DEFB112: variants seen among roughly 807,000 people sequenced by gnomAD.
DEFB112 encodes the protein defensin beta 112.
DEFB112 carries 2 observed loss-of-function variants against 1.1 expected under a neutral mutation model. The ratio of observed to expected loss-of-function variants is 1.85; its 90% CI spans 0.76 to 5.83. DEFB112 has a LOEUF of 5.83. Ranked by LOEUF, DEFB112 falls within the 30% of genes most tolerant of loss-of-function variation. The probability of loss-of-function intolerance (pLI) is 0.05; values close to 1 mark genes in which losing one functional copy is unlikely to be tolerated. For synonymous variants in DEFB112, 40 were observed against 31.2 expected (o/e 1.28, Z -0.93); for missense variants, 120 against 94.4 (o/e 1.27, Z -1.12).
chr6:50,044,091 C>T (rs1340139970), intron 1 of DEFB112, among the ~76,000 whole-genome samples: 1 of 152,050 alleles, frequency 6.6e-6, no homozygotes, highest in Non-Finnish European at 1.5e-5. Flanking sequence ...TGTACATTGA[C>T]TAGAACCATT....
intron 1 of DEFB112, among the ~76,000 whole-genome samples, chr6:50,044,218 A>C (rs1253774889): frequency 6.6e-6 from 1 of 152,100 alleles, no homozygotes; most frequent in African/African-American, 2.4e-5. Flanking sequence ...TGACTTGAGC[A>C]GTTCTAAAAT....
At chr6:50,044,949 A>G (rs1774808450) in intron 1 of DEFB112, among the ~76,000 whole-genome samples, 1 of 152,004 alleles carries the variant, frequency 6.6e-6, no homozygotes, top group African/African-American at 2.4e-5. Flanking sequence ...ATTACCCACA[A>G]ATTTTGCAGC....
chr6:50,048,785 G>C (rs959421379), intron 1 of DEFB112: 2 of 593,348 alleles, frequency 3.4e-6, no homozygotes, highest in African/African-American at 3.7e-5. Context: ...ATTATAAAAG[G>C]TTTTACAAAA....
chr6:50,043,912 A>G, intron 1 of DEFB112, 111 bp from the exon 2 acceptor site: 1 of 918,372 alleles, frequency 1.1e-6, no homozygotes, highest in South Asian at 1.6e-5. Flanking sequence ...AAGGAAATGG[A>G]TATTTGCTTT....
At chr6:50,047,649 G>T (rs1774856238) in intron 1 of DEFB112, among the ~76,000 whole-genome samples, 1 of 152,110 alleles carries the variant, frequency 6.6e-6, no homozygotes. Context: ...CTGACATCCA[G>T]TGAAACTTAG....
intron 1 of DEFB112, among the ~76,000 whole-genome samples, chr6:50,045,525 A>T (rs185505065): frequency 1.9e-4 from 29 of 152,274 alleles, no homozygotes; most frequent in African/African-American, 6.7e-4. Flanking sequence ...ATATGTATAA[A>T]TCTAGATATA....
chr6:50,046,221 CTG>C (rs3057286), intron 1 of DEFB112, among the ~76,000 whole-genome samples: 2,026 of 141,248 alleles, frequency 0.014, 55 homozygotes, highest in African/African-American at 0.045. Context: ...TTGAGGAGCA[CTG>C]TGTGTGTGTG....
intron 1 of DEFB112, among the ~76,000 whole-genome samples, chr6:50,046,543 G>A (rs933050715): frequency 2.6e-5 from 4 of 152,086 alleles, no homozygotes; most frequent in African/African-American, 4.8e-5. Flanking sequence ...GTAGTTTATC[G>A]TGGTTTAAAT....
At chr6:50,048,545 A>G (rs1317918705) in intron 1 of DEFB112, 4 of 1,612,904 alleles carry the variant, frequency 2.5e-6, no homozygotes, top group Non-Finnish European at 2.5e-6. Context: ...ACCTGTGCTG[A>G]TTTTCTCTGT....
intron 1 of DEFB112, among the ~76,000 whole-genome samples, chr6:50,049,531 T>C (rs939374456): frequency 2.0e-5 from 3 of 152,090 alleles, no homozygotes; most frequent in African/African-American, 7.2e-5. Context: ...ATTTCATGGA[T>C]CTGTGAAATC....
At chr6:50,048,254 T>G (rs1774868105) in intron 1 of DEFB112, among the ~76,000 whole-genome samples, 1 of 152,192 alleles carries the variant, frequency 6.6e-6, no homozygotes, top group Non-Finnish European at 1.5e-5. Context: ...AGTAATAATG[T>G]TGCTGAGAAC....
chr6:50,048,703 T>A (rs766735842), intron 1 of DEFB112: 4 of 1,333,258 alleles, frequency 3.0e-6, no homozygotes, highest in Non-Finnish European at 4.2e-6. Flanking sequence ...AAAATTACTT[T>A]AAAAGTAGGA....
rs949483253 is a variant in DEFB112, at chr6:50,043,512, T to C, written c.*63A>G. The C allele has an allele frequency of 1.2e-4, 151 of 1,255,792 alleles. No individual in the cohort carries two copies. Among genetic ancestry groups the C allele is most frequent in the Non-Finnish European group, 8.4e-5 (73 of 868,774 alleles). The allele number at this position is 1,255,792 out of a possible 1,614,324, so 77.8% of individuals were successfully genotyped here. Reference sequence around the variant, plus strand: ...ATGCATGGAAATTATAGGTCATTAATGAAGTGATGAAATAATGAGAGGACT... The same window carrying C: ...ATGCATGGAAATTATAGGTCATTAACGAAGTGATGAAATAATGAGAGGACT... On this transcript the variant is annotated 3_prime_UTR_variant, in exon 2 of 2. Transcript: ENST00000651554.
rs1774778058 is a variant in DEFB112, at chr6:50,043,440, C to A, written c.*135G>T. 1 of 609,742 alleles carries A rather than the reference C, an allele frequency of 1.6e-6. No homozygotes were observed. Among genetic ancestry groups the A allele is most frequent in the African/African-American group, 1.8e-5 (1 of 54,360 alleles). 37.8% of individuals were successfully genotyped at this position (609,742 alleles called of 1,614,324 possible). A position where few individuals can be genotyped will look rare whatever the true frequency, so the allele number is the denominator to read the frequency against. On this transcript the variant is annotated 3_prime_UTR_variant, in exon 2 of 2. Coordinates refer to ENST00000651554, the MANE Select transcript of DEFB112 (RefSeq NM_001369057.2). ...GCAAGCACAATGTTTATAAAAATGT[C>A]CAGCTGAAATATATTTTATTTAATT...
intron 1 of DEFB112, among the ~76,000 whole-genome samples, chr6:50,047,658 A>G (rs1447576184): frequency 6.6e-6 from 1 of 152,190 alleles, no homozygotes; most frequent in African/African-American, 2.4e-5. Context: ...AGTGAAACTT[A>G]GTCAAAAAGA....
In DEFB112 at chr6:50,043,600, C is replaced by T; in HGVS notation, c.260G>A (p.Trp87Ter). Residue 87 changes from tryptophan to a stop codon, truncating the protein, a stop_gained, in exon 2 of 2, where the codon TGG (tryptophan) becomes TAG (stop). Transcript: ENST00000651554. LOFTEE classifies it high-confidence loss of function. The part of the protein sequence containing the change: ...IPKDSVGTQE[W>*]YPKDSRH ...TCAATGACGTGAGTCTTTAGGGTAC[C>T]ATTCTTGAGTCCCTACTGAGTCCTT... is the stretch of plus-strand genomic sequence containing the variant. 3 of 1,613,162 alleles carry T rather than the reference C, an allele frequency of 1.9e-6. No individual in the cohort carries two copies. Among genetic ancestry groups the T allele is most frequent in the Non-Finnish European group, 2.5e-6 (3 of 1,179,484 alleles).
At chr6:50,044,799 G>A (rs1774806329) in intron 1 of DEFB112, among the ~76,000 whole-genome samples, 2 of 152,154 alleles carry the variant, frequency 1.3e-5, no homozygotes, top group South Asian at 4.1e-4. Context: ...TCAGAAGGTG[G>A]ATAAAAATGA....
At position 50,043,308 on chromosome 6, in the gene DEFB112, C is replaced by T. The variant is rs950777425; in HGVS notation, c.*267G>A. Among the ~76,000 whole-genome samples, 2 of 151,952 alleles carry T rather than the reference C, an allele frequency of 1.3e-5. No individual in the cohort carries two copies. Among genetic ancestry groups the T allele is most frequent in the South Asian group, 2.1e-4 (1 of 4,824 alleles). On this transcript the variant is annotated 3_prime_UTR_variant, in exon 2 of 2. Transcript: ENST00000651554. ...CTTTTCACACTAAATAAGGAATTGGCCCCAGAATCTCACTAAACTTAGCGG... is the reference window on the plus strand; with the variant it reads ...CTTTTCACACTAAATAAGGAATTGGTCCCAGAATCTCACTAAACTTAGCGG...
chr6:50,045,872 C>A (rs1774822612), intron 1 of DEFB112, among the ~76,000 whole-genome samples: 1 of 151,934 alleles, frequency 6.6e-6, no homozygotes, highest in South Asian at 2.1e-4. Context: ...TGATAGTCCC[C>A]GAATTACAAT....
Sources: gnomAD v4.1 joint callset for allele counts (sites outside exome capture counted in the v4.1 genomes callset) on GRCh38, gnomAD v4.1.1 for gene constraint, MANE v1.5 for transcripts, NCBI Gene and HGNC (gene_info 2026-07-23, HGNC 2026-07-21) for gene names.